The following THOP1 variants were observed in gnomAD, a reference collection of about 807,000 sequenced individuals.
THOP1 encodes the protein thimet oligopeptidase.
In THOP1, 49 loss-of-function variants were observed where a neutral mutation model predicts 71.8. The observed-to-expected ratio is 0.68, with a 90% CI of 0.54 to 0.87. The LOEUF (loss-of-function observed/expected upper bound fraction) is 0.87. THOP1 is among the 40% of genes least tolerant of loss of function. The pLI is 0.00. For synonymous variants in THOP1, 426 were observed against 421.5 expected (o/e 1.01, Z -0.13); for missense variants, 843 against 975.6 (o/e 0.86, Z 1.81).
In THOP1 at chr19:2,797,094, T is replaced by C. The variant is rs1250090850; in HGVS notation, c.486+906T>C. On this transcript the variant is annotated intron_variant, in intron 4 of 12. Transcript: ENST00000307741. The stretch of plus-strand genomic sequence containing the variant: ...CATGGCTGGGTCAGGAGGTGTGCTC[T>C]GGGCAGGGCCTTCGCTGGGGTCCCT... 2.0e-5 allele frequency among the ~76,000 whole-genome samples: 3 copies of C among 152,138 alleles called. No individual in the cohort carries two copies. In the East Asian group the frequency reaches 5.8e-4, roughly 29 times the overall value.
At chr19:2,812,259 T>C in intron 12 of THOP1, 1 of 1,535,222 alleles carries the variant, frequency 6.5e-7, no homozygotes, top group East Asian at 2.4e-5. Flanking sequence ...GCTGACTTGG[T>C]GTGACCCAGG....
At chr19:2,802,668 C>G (rs1306249728) in intron 5 of THOP1, among the ~76,000 whole-genome samples, 1 of 152,164 alleles carries the variant, frequency 6.6e-6, no homozygotes, top group East Asian at 1.9e-4. Flanking sequence ...ACGCACCCAA[C>G]CAGAGCAGAG....
Position 2,813,241 on chromosome 19 carries a change from G to C in THOP1, c.2035G>C (p.Val679Leu), listed in dbSNP as rs779533800. ...CTTCCTCCTGAGCAAGGGGCTGCAG[G>C]TCGGGGGCTGCGAGCCCGAGCCGCA... ...DAFLLSKGLQ[V>L]GGCEPEPQVC The change falls in exon 13 of 13, where the codon GTC (valine) becomes CTC (leucine). Residue 679 changes from valine to leucine, a missense_variant. By Grantham distance (32) the Val-to-Leu change is conservative. Coordinates refer to ENST00000307741, the MANE Select transcript of THOP1 (RefSeq NM_003249.5). 3.1e-6 allele frequency: 5 copies of C among 1,611,166 alleles called. No homozygotes were observed. The East Asian group carries it at 1.1e-4, about 36-fold the overall frequency.
In THOP1 at chr19:2,790,271, T is replaced by A. The variant is rs549897409; in HGVS notation, c.17-150T>A. On this transcript the variant is annotated intron_variant, in intron 1 of 12. Transcript: ENST00000307741. ...AGAGTAGCCTCCTGCTCTAGAGGACTGGTCAGTCTGTGCTTCCCTACAAGA... is the reference window on the plus strand; with the variant it reads ...AGAGTAGCCTCCTGCTCTAGAGGACAGGTCAGTCTGTGCTTCCCTACAAGA... The A allele has an allele frequency of 6.8e-5, 46 of 672,632 alleles. 1 individual carries two copies. In the South Asian group the frequency reaches 1.1e-3, roughly 16 times the overall value. 41.7% of individuals were successfully genotyped at this position (672,632 alleles called of 1,614,324 possible). A position where few individuals can be genotyped will look rare whatever the true frequency, so the allele number is the denominator to read the frequency against.
At chr19:2,807,080 GT>G (rs1916311732) in intron 7 of THOP1, 28 bp downstream of exon 7, 2 of 1,594,546 alleles carry the variant, frequency 1.3e-6, no homozygotes, top group South Asian at 1.1e-5. Context: ...CTCCACTGGG[GT>G]CCCTGTGGGG....
intron 11 of THOP1, among the ~76,000 whole-genome samples, chr19:2,811,278 C>T (rs1471678578): frequency 6.6e-6 from 1 of 152,230 alleles, no homozygotes; most frequent in Non-Finnish European, 1.5e-5. Context: ...AAAGCGTTTT[C>T]AGCAGCGTGG....
In THOP1 at chr19:2,810,504, G is replaced by A. The variant is rs541706920; in HGVS notation, c.1642+14G>A. The stretch of plus-strand genomic sequence containing the variant: ...AGGCCAACACAGGTGCACCCGCCCC[G>A]TCCGGGGAAGGGTGCTAACCTCGGG... On this transcript the variant is annotated intron_variant, in intron 10 of 12. Transcript: ENST00000307741. 77 of 1,545,420 alleles carry A rather than the reference G, an allele frequency of 5.0e-5. No homozygotes were observed. Among genetic ancestry groups the A allele is most frequent in the Middle Eastern group, 2.3e-4 (1 of 4,362 alleles).
Position 2,785,683 on chromosome 19 carries a change from C to T in THOP1, c.16+5C>T. ...CCGCCATGAAGCCCCCCGCAGGTACCGACTACCCCGCTCGCCGGACCCGGG... is the reference window on the plus strand; with the variant it reads ...CCGCCATGAAGCCCCCCGCAGGTACTGACTACCCCGCTCGCCGGACCCGGG... On this transcript the variant is annotated splice_donor_5th_base_variant and intron_variant, in intron 1 of 12. Transcript: ENST00000307741. 1 of 1,467,670 alleles carries T rather than the reference C, an allele frequency of 6.8e-7. No homozygotes were observed. Among genetic ancestry groups the T allele is most frequent in the Non-Finnish European group, 9.0e-7 (1 of 1,105,526 alleles). 90.9% of individuals were successfully genotyped at this position (1,467,670 alleles called of 1,614,324 possible). A position where few individuals can be genotyped will look rare whatever the true frequency, so the allele number is the denominator to read the frequency against.
At chr19:2,807,328 C>A in intron 7 of THOP1, 114 bp from the exon 8 acceptor site, 1 of 1,425,900 alleles carries the variant, frequency 7.0e-7, no homozygotes, top group Non-Finnish European at 9.2e-7. Flanking sequence ...CCGGGAACTG[C>A]GGGTCCTCCC....
At chr19:2,809,061 CCT>C (rs1916389162) in intron 9 of THOP1, among the ~76,000 whole-genome samples, 1 of 151,186 alleles carries the variant, frequency 6.6e-6, no homozygotes, top group Non-Finnish European at 1.5e-5. Context: ...AGCAATCGCT[CCT>C]CAGAAAGGCT....
chr19:2,807,596 G>T lies in THOP1; in HGVS notation c.1041G>T (p.Thr347=). The change falls in exon 8 of 13, where the codon ACG becomes ACT. Residue 347 remains threonine, a synonymous_variant. Coordinates refer to ENST00000307741, the MANE Select transcript of THOP1 (RefSeq NM_003249.5). ...ACTACATGAACCAGGTGGAGGAGAC[G>T]CGCTACTGCGTGGACCAGAACCTGC... is the stretch of plus-strand genomic sequence containing the variant. ...MRYYMNQVEE[T]RYCVDQNLLK... is the part of the protein sequence containing the mutation. 1.2e-6 allele frequency: 2 copies of T among 1,612,662 alleles called. No individual in the cohort carries two copies. Among genetic ancestry groups the T allele is most frequent in the South Asian group, 1.1e-5 (1 of 91,064 alleles).
chr19:2,786,352 C>T (rs1197527423), intron 1 of THOP1, among the ~76,000 whole-genome samples: 1 of 152,130 alleles, frequency 6.6e-6, no homozygotes, highest in African/African-American at 2.4e-5. Flanking sequence ...CTCAGTCAAT[C>T]CTCCCGCCTC....
rs1360945700 is a variant in THOP1 at position 2,801,056 on chromosome 19, C to G, written c.589+1265C>G. Among the ~76,000 whole-genome samples, 3 of 152,214 alleles carry G rather than the reference C, an allele frequency of 2.0e-5. No individual in the cohort carries two copies. Among genetic ancestry groups the G allele is most frequent in the Non-Finnish European group, 2.9e-5 (2 of 68,036 alleles). On this transcript the variant is annotated intron_variant, in intron 5 of 12. Transcript: ENST00000307741. This position sits in a 1 kb window ranked among gnomAD's most constrained non-coding sequence, Gnocchi z 5.1. ...AGCTCAAATCTGCCTCCTGTGCCAGCTTTCAGGCAGTACTTTCATGAGAGA... is the reference window on the plus strand; with the variant it reads ...AGCTCAAATCTGCCTCCTGTGCCAGGTTTCAGGCAGTACTTTCATGAGAGA...
At chr19:2,799,089 G>T (rs763055105) in intron 4 of THOP1, among the ~76,000 whole-genome samples, 2 of 152,210 alleles carry the variant, frequency 1.3e-5, no homozygotes, top group African/African-American at 2.4e-5. Context: ...ACTTTGGGAG[G>T]CTGAGGTGGG....
rs775494230 is a variant in THOP1, at chr19:2,807,470, G to C, written c.915G>C (p.Leu305=). 1 of 1,602,832 alleles carries C rather than the reference G, an allele frequency of 6.2e-7. No individual in the cohort carries two copies. The highest frequency in any genetic ancestry group is 1.1e-5 in the South Asian group (1 of 90,636). The change falls in exon 8 of 13, where the codon CTG becomes CTC. Residue 305 remains leucine, a synonymous_variant. Transcript: ENST00000307741. ...LDELAQKLKP[L]GEQERAVILE... ...AGCTGGCGCAGAAGCTGAAGCCCCT[G>C]GGGGAGCAGGAGCGTGCGGTGATTC... is the stretch of plus-strand genomic sequence containing the variant.
At chr19:2,792,014 G>A (rs769473100) in intron 2 of THOP1, among the ~76,000 whole-genome samples, 1 of 152,174 alleles carries the variant, frequency 6.6e-6, no homozygotes, top group South Asian at 2.1e-4. Flanking sequence ...GCTTCTCTCT[G>A]ATCACAGATT....
At chr19:2,811,553 T>C in intron 11 of THOP1, 45 bp from the exon 12 acceptor site, 2 of 1,578,358 alleles carry the variant, frequency 1.3e-6, no homozygotes, top group South Asian at 1.1e-5. Flanking sequence ...AGGAGGAGCA[T>C]GGGGTGGGGG....
chr19:2,787,760 G>C (rs1915782613), intron 1 of THOP1, among the ~76,000 whole-genome samples: 3 of 152,196 alleles, frequency 2.0e-5, no homozygotes, highest in African/African-American at 7.2e-5. Context: ...GGGGACATTT[G>C]TGGTTGTCAC....
chr19:2,801,993 GATACCCACATCTCCCA>G lies in THOP1; in HGVS notation c.589+2218_589+2233del, dbSNP rs1057273692. Among the ~76,000 whole-genome samples the G allele has an allele frequency of 2.7e-5, 4 of 150,624 alleles. No homozygotes were observed. The highest frequency in any genetic ancestry group is 2.1e-4 in the South Asian group (1 of 4,732). ...ACCATCTCCAACACCGCCATCTCCC[GATACCCACATCTCCCA>G]ATACCCACATCTCCCGATACCGCTA... On this transcript the variant is annotated intron_variant, in intron 5 of 12. Coordinates refer to ENST00000307741, the MANE Select transcript of THOP1 (RefSeq NM_003249.5). The surrounding 1 kb of genome is among the most constrained non-coding windows in gnomAD (Gnocchi z 5.1).
Sources: allele counts gnomAD v4.1 joint callset (sites outside exome capture counted in the v4.1 genomes callset), GRCh38; gene constraint gnomAD v4.1.1; non-coding constraint Gnocchi (gnomAD v3.1); transcripts MANE v1.5; gene names NCBI Gene and HGNC (gene_info 2026-07-23, HGNC 2026-07-21).